The following GALNT15 variants were observed in gnomAD, a reference collection of about 807,000 sequenced individuals.
GALNT15 encodes UDP-GalNAc transferase T15.
In GALNT15, 67 loss-of-function variants were observed where a neutral mutation model predicts 66.8. The observed-to-expected ratio is 1.00, with a 90% confidence interval of 0.82 to 1.23. The LOEUF (loss-of-function observed/expected upper bound fraction) is 1.23. Ranked by LOEUF, GALNT15 falls within the 50% of genes most tolerant of loss-of-function variation. GALNT15 has a pLI of 0.00. For missense variants in GALNT15, 827 were observed against 804.3 expected (o/e 1.03, Z -0.34); for synonymous variants, 313 against 311.5 (o/e 1.00, Z -0.05).
intron 6 of GALNT15, among the ~76,000 whole-genome samples, chr3:16,217,620 T>C (rs2063893663): frequency 6.6e-6 from 1 of 152,210 alleles, no homozygotes; most frequent in Non-Finnish European, 1.5e-5. Flanking sequence ...GGCCAGACTT[T>C]TGCTGCTTGG....
chr3:16,232,515 T>TA (rs1553689268), downstream of GALNT15, among the ~76,000 whole-genome samples: 6 of 75,200 alleles, frequency 8.0e-5, 1 homozygote, highest in South Asian at 8.0e-4. Context: ...TATATATTTA[T>TA]TTAAAAGAGA....
rs1049569124 is a variant in GALNT15 at position 16,200,091 on chromosome 3, T to C, written c.707-528T>C. ...CAATCATGGTGGAAGGGGAAGCATG[T>C]CTTACATGGCAGCAAGTGAGAGAAA... On this transcript the variant is annotated intron_variant, in intron 2 of 9. Coordinates refer to ENST00000339732, the MANE Select transcript of GALNT15 (RefSeq NM_054110.5). The surrounding 1 kb of genome is among the most constrained non-coding windows in gnomAD (Gnocchi z 4.4). Among the ~76,000 whole-genome samples the C allele has an allele frequency of 6.6e-6, 1 of 151,796 alleles. No individual in the cohort carries two copies. The highest frequency in any genetic ancestry group is 2.4e-5 in the African/African-American group (1 of 41,278).
chr3:16,220,198 T>A, intron 8 of GALNT15, 184 bp downstream of exon 8: 4 of 606,284 alleles, frequency 6.6e-6, no homozygotes, highest in African/African-American at 1.8e-5. Context: ...CCTCCATCTG[T>A]AAGCACAGAC....
chr3:16,198,717 A>G (rs2063666184), intron 2 of GALNT15, among the ~76,000 whole-genome samples: 1 of 142,722 alleles, frequency 7.0e-6, no homozygotes, highest in South Asian at 2.2e-4. Flanking sequence ...GAGAATTGCA[A>G]CAGCCCAGTG....
intron 5 of GALNT15, among the ~76,000 whole-genome samples, chr3:16,212,095 T>C (rs1479207820): frequency 6.6e-6 from 1 of 152,156 alleles, no homozygotes; most frequent in Admixed American, 6.5e-5. Flanking sequence ...GGAAATTTCT[T>C]GAAATAGTAA....
At chr3:16,238,872 C>T in the GALNT15 span, among the ~76,000 whole-genome samples, 1 of 152,168 alleles carries the variant, frequency 6.6e-6, no homozygotes, top group Non-Finnish European at 1.5e-5. This position sits in a 1 kb window ranked among gnomAD's most constrained non-coding sequence, Gnocchi z 4.8. Context: ...ATAACCAACT[C>T]CCAGGGGCTT....
rs2063498434 is a variant in GALNT15, at chr3:16,184,350, C to G, written c.539+8660C>G. Reference sequence around the variant, plus strand: ...GGCCTTGCTTTATGATGTTCAAGAGCCTTTGCCATGCTCTGCCTCATTGGT... The same window carrying G: ...GGCCTTGCTTTATGATGTTCAAGAGGCTTTGCCATGCTCTGCCTCATTGGT... On this transcript the variant is annotated intron_variant, in intron 1 of 9. Transcript: ENST00000339732. This position sits in a 1 kb window ranked among gnomAD's most constrained non-coding sequence, Gnocchi z 5.0. Among the ~76,000 whole-genome samples the G allele has an allele frequency of 6.6e-6, 1 of 152,204 alleles. No individual in the cohort carries two copies. Among genetic ancestry groups the G allele is most frequent in the Admixed American group, 6.5e-5 (1 of 15,276 alleles).
At position 16,227,774 on chromosome 3, in the gene GALNT15, G is replaced by GT; in HGVS notation, c.*279dup. On this transcript the variant is annotated 3_prime_UTR_variant, in exon 10 of 10. Transcript: ENST00000339732. This position sits in a 1 kb window ranked among gnomAD's most constrained non-coding sequence, Gnocchi z 4.5. ...TATTACATAGTACAGAAGATTCTTT[G>GT]TTTTTCTCCACTGAGCACTTAACAA... 5 of 1,206,230 alleles carry GT rather than the reference G, an allele frequency of 4.1e-6. No individual in the cohort carries two copies. Among genetic ancestry groups the GT allele is most frequent in the Non-Finnish European group, 5.2e-6 (5 of 969,478 alleles). 74.7% of individuals were successfully genotyped at this position (1,206,230 alleles called of 1,614,324 possible). A position where few individuals can be genotyped will look rare whatever the true frequency, so the allele number is the denominator to read the frequency against.
chr3:16,221,549 G>A (rs908077883), intron 8 of GALNT15, among the ~76,000 whole-genome samples: 1 of 152,056 alleles, frequency 6.6e-6, no homozygotes, highest in African/African-American at 2.4e-5. Flanking sequence ...CTGCATGCAA[G>A]GGATAAGTGA....
chr3:16,176,315 T>C lies in GALNT15; in HGVS notation c.539+625T>C, dbSNP rs115261237. On this transcript the variant is annotated intron_variant, in intron 1 of 9. Coordinates refer to ENST00000339732, the MANE Select transcript of GALNT15 (RefSeq NM_054110.5). This position sits in a 1 kb window ranked among gnomAD's most constrained non-coding sequence, Gnocchi z 5.6. ...TAGTAGTATCATCATGCTTATTCTA[T>C]AGGTATGAAAACAAGGTGAAGTTGC... 7.2e-5 allele frequency among the ~76,000 whole-genome samples: 11 copies of C among 152,292 alleles called. No homozygotes were observed. The East Asian group carries it at 1.9e-3, about 27-fold the overall frequency.
intron 1 of GALNT15, among the ~76,000 whole-genome samples, chr3:16,177,258 C>T (rs2063420066): frequency 6.6e-6 from 1 of 152,170 alleles, no homozygotes; most frequent in Non-Finnish European, 1.5e-5. Context: ...TTTCACTGGC[C>T]TGGAGCAAGA....
At chr3:16,207,956 G>T (rs1460945525) in intron 3 of GALNT15, among the ~76,000 whole-genome samples, 2 of 152,162 alleles carry the variant, frequency 1.3e-5, no homozygotes, top group African/African-American at 4.8e-5. Flanking sequence ...GAGGCCCAGA[G>T]AGGTATAACA....
rs149458243 is a variant in GALNT15 at position 16,186,463 on chromosome 3, T to C, written c.540-9297T>C. ...TATATACTCAAGAAAATTAAAAACA[T>C]GTTCACATGAAAACTTATACATGAA... On this transcript the variant is annotated intron_variant, in intron 1 of 9. Transcript: ENST00000339732. This position sits in a 1 kb window ranked among gnomAD's most constrained non-coding sequence, Gnocchi z 5.1. Among the ~76,000 whole-genome samples the C allele has an allele frequency of 6.6e-6, 1 of 152,322 alleles. No individual in the cohort carries two copies. Among genetic ancestry groups the C allele is most frequent in the East Asian group, 1.9e-4 (1 of 5,190 alleles).
Position 16,229,352 on chromosome 3 carries a change from A to G in GALNT15, c.*1852A>G, listed in dbSNP as rs562482147. On this transcript the variant is annotated 3_prime_UTR_variant, in exon 10 of 10. Coordinates refer to ENST00000339732, the MANE Select transcript of GALNT15 (RefSeq NM_054110.5). ...AAAATCAAAGAAAATTTAAAACTCA[A>G]TTCCTCAATTGGGCTGGCCACATTT... The G allele has an allele frequency of 4.0e-5, 35 of 872,844 alleles. No homozygotes were observed. Among genetic ancestry groups the G allele is most frequent in the Admixed American group, 2.5e-4 (4 of 16,128 alleles). 54.1% of individuals were successfully genotyped at this position (872,844 alleles called of 1,614,324 possible).
chr3:16,231,076 A>G (rs570250835), downstream of GALNT15, among the ~76,000 whole-genome samples: 1 of 147,036 alleles, frequency 6.8e-6, no homozygotes, highest in Non-Finnish European at 1.5e-5. The surrounding 1 kb of genome is among the most constrained non-coding windows in gnomAD (Gnocchi z 4.1). Context: ...TCTCACTCAT[A>G]CATGGGAATT....
At chr3:16,234,615 G>A (rs2064114955), downstream of GALNT15, among the ~76,000 whole-genome samples, 1 of 152,206 alleles carries the variant, frequency 6.6e-6, no homozygotes, top group Non-Finnish European at 1.5e-5. Context: ...CCTTACTAGT[G>A]TTTCCTGGGC....
intron 1 of GALNT15, among the ~76,000 whole-genome samples, chr3:16,179,935 G>C (rs547644263): frequency 2.6e-5 from 4 of 152,334 alleles, no homozygotes; most frequent in South Asian, 4.1e-4. Context: ...TTAGCCTCCT[G>C]TAGCACGGAT....
At chr3:16,214,639 C>G (rs1354837802) in intron 6 of GALNT15, among the ~76,000 whole-genome samples, 1 of 152,140 alleles carries the variant, frequency 6.6e-6, no homozygotes, top group Non-Finnish European at 1.5e-5. Context: ...CAATGCTTAT[C>G]AGGTTCTTGG....
chr3:16,188,444 G>T lies in GALNT15; in HGVS notation c.540-7316G>T, dbSNP rs1334022880. On this transcript the variant is annotated intron_variant, in intron 1 of 9. Coordinates refer to ENST00000339732, the MANE Select transcript of GALNT15 (RefSeq NM_054110.5). The surrounding 1 kb of genome is among the most constrained non-coding windows in gnomAD (Gnocchi z 4.6). ...TCTGGCTTTTTCTGAAAATCAGGAA[G>T]ATGTGGCAAAACTGGACTAAATTTC... Among the ~76,000 whole-genome samples, 1 of 152,226 alleles carries T rather than the reference G, an allele frequency of 6.6e-6. No homozygotes were observed. Among genetic ancestry groups the T allele is most frequent in the Non-Finnish European group, 1.5e-5 (1 of 68,040 alleles).
Sources: allele counts gnomAD v4.1 joint callset (sites outside exome capture counted in the v4.1 genomes callset), GRCh38; gene constraint gnomAD v4.1.1; non-coding constraint Gnocchi (gnomAD v3.1); transcripts MANE v1.5; gene names NCBI Gene and HGNC (gene_info 2026-07-23, HGNC 2026-07-21).